Variants in MAPKBP1 observed in about 807,000 individuals in gnomAD.
MAPKBP1 encodes mitogen-activated protein kinase-binding protein 1.
In MAPKBP1, 71 loss-of-function variants were observed where a neutral mutation model predicts 170.5. That is an observed-to-expected ratio of 0.42 (90% CI 0.34 to 0.51). MAPKBP1 has a LOEUF of 0.51. Ranked by LOEUF, MAPKBP1 falls within the 20% of genes least tolerant of loss-of-function variation. The probability of loss-of-function intolerance (pLI) is 0.06; values close to 1 mark genes in which losing one functional copy is unlikely to be tolerated. For missense variants in MAPKBP1, 1,598 were observed against 1,933.0 expected, an observed-to-expected ratio of 0.83 and a Z score of 3.25; for synonymous variants, 719 against 757.9, an observed-to-expected ratio of 0.95 and a Z score of 0.84.
chr15:41,813,342 T>C, intron 8 of MAPKBP1: 2 of 1,528,110 alleles, frequency 1.3e-6, no homozygotes, highest in Non-Finnish European at 1.8e-6. Context: ...CATAGACAGC[T>C]TCACAGTAAG....
At chr15:41,810,966 A>G in intron 4 of MAPKBP1, 21 bp downstream of exon 4, 1 of 1,613,968 alleles carries the variant, frequency 6.2e-7, no homozygotes, top group Non-Finnish European at 8.5e-7. Flanking sequence ...TGGGGTCCTC[A>G]GGATACCTCT....
intron 22 of MAPKBP1, 37 bp from the exon 23 acceptor site, chr15:41,820,795 T>G (rs766870601): frequency 3.6e-5 from 54 of 1,480,308 alleles, no homozygotes; most frequent in Admixed American, 1.7e-4. Flanking sequence ...ACTGTGTGGT[T>G]GTTGTTACTC....
At chr15:41,803,412 T>TC in intron 3 of MAPKBP1, among the ~76,000 whole-genome samples, 1 of 8,340 alleles carries the variant, frequency 1.2e-4, no homozygotes, top group Non-Finnish European at 2.1e-4. Context: ...AGACTCCATC[T>TC]CAAAAAAAAA....
intron 29 of MAPKBP1, 92 bp downstream of exon 29, chr15:41,824,153 T>C: frequency 6.8e-7 from 1 of 1,479,590 alleles, no homozygotes; most frequent in Non-Finnish European, 9.0e-7. Context: ...TTTCTGTGGG[T>C]ACAGCTTCTG....
intron 30 of MAPKBP1, chr15:41,824,981 A>T: frequency 2.0e-6 from 1 of 508,812 alleles, no homozygotes; most frequent in South Asian, 3.4e-5. Flanking sequence ...AGTTGTCATA[A>T]GGAGTTGCTT....
chr15:41,820,252 T>TC, intron 22 of MAPKBP1, among the ~76,000 whole-genome samples: 1 of 152,174 alleles, frequency 6.6e-6, no homozygotes, highest in South Asian at 2.1e-4. Context: ...TGCTGTGGTG[T>TC]CTCTGGAGCA....
chr15:41,820,221 A>T (rs551873767), intron 22 of MAPKBP1, among the ~76,000 whole-genome samples: 39 of 152,280 alleles, frequency 2.6e-4, no homozygotes, highest in Admixed American at 7.8e-4. Flanking sequence ...CGTTGTCAGC[A>T]ACAGTTTCAC....
At chr15:41,783,512 C>T (rs901975314) in intron 2 of MAPKBP1, among the ~76,000 whole-genome samples, 1 of 152,210 alleles carries the variant, frequency 6.6e-6, no homozygotes, top group African/African-American at 2.4e-5. Context: ...AGTACCTTGT[C>T]TTGCCTAATC....
Position 41,775,296 on chromosome 15 carries a change from C to T in MAPKBP1, c.21C>T (p.Thr7=). The part of the protein sequence containing the change: MAVEGS[T]ITSRIKNLLR... ...TCATAATGGCTGTGGAAGGGTCAAC[C>T]ATTACCAGCCGGATCAAGAATCTGT... The change falls in exon 2 of 31, where the codon ACC becomes ACT. Residue 7 remains threonine (T), a synonymous_variant. Transcript: ENST00000457542. 1 of 1,614,096 alleles carries T rather than the reference C, an allele frequency of 6.2e-7. No homozygotes were observed. Among genetic ancestry groups the T allele is most frequent in the Non-Finnish European group, 8.5e-7 (1 of 1,179,976 alleles).
intron 2 of MAPKBP1, among the ~76,000 whole-genome samples, chr15:41,778,469 A>G (rs2064132612): frequency 1.3e-5 from 2 of 152,180 alleles, no homozygotes; most frequent in African/African-American, 2.4e-5. Context: ...GGAGGTGGAG[A>G]TTTAAGTTAC....
chr15:41,809,642 T>A (rs1189105221), intron 3 of MAPKBP1, among the ~76,000 whole-genome samples: 1 of 152,126 alleles, frequency 6.6e-6, no homozygotes, highest in Non-Finnish European at 1.5e-5. Context: ...TAATGAAGAG[T>A]TGAGGCAGAA....
rs753180015 is a variant in MAPKBP1 at position 41,817,343 on chromosome 15, A to C, written c.1712-45A>C. ...GGAAGGTGGGAGGCAGGCTGCTCCCATGTGGTGAGAACAGTGGGAACAGCT... is the reference window on the plus strand; with the variant it reads ...GGAAGGTGGGAGGCAGGCTGCTCCCCTGTGGTGAGAACAGTGGGAACAGCT... On this transcript the variant is annotated intron_variant, in intron 14 of 30. Coordinates refer to ENST00000457542, the MANE Select transcript of MAPKBP1 (RefSeq NM_014994.3). The surrounding 1 kb of genome is among the most constrained non-coding windows in gnomAD (Gnocchi z 4.2). 10 of 1,594,960 alleles carry C rather than the reference A, an allele frequency of 6.3e-6. No individual in the cohort carries two copies. In the Admixed American group the frequency reaches 8.3e-5, roughly 13 times the overall value.
At chr15:41,816,511 T>A in intron 12 of MAPKBP1, 48 bp from the exon 13 acceptor site, 2 of 1,368,614 alleles carry the variant, frequency 1.5e-6, no homozygotes, top group Non-Finnish European at 2.1e-6. Flanking sequence ...CGTGAGTCCT[T>A]CCTGCGGCCT....
At chr15:41,794,127 G>T (rs1386676507) in intron 2 of MAPKBP1, among the ~76,000 whole-genome samples, 2 of 152,096 alleles carry the variant, frequency 1.3e-5, no homozygotes, top group African/African-American at 4.8e-5. Flanking sequence ...AGCTACTCGG[G>T]AGGCTGAGGC....
At position 41,774,600 on chromosome 15, in the gene MAPKBP1, C is replaced by A. The variant is rs960303478; in HGVS notation, c.-120C>A. On this transcript the variant is annotated 5_prime_UTR_variant, in exon 1 of 31. Coordinates refer to ENST00000457542, the MANE Select transcript of MAPKBP1 (RefSeq NM_014994.3). The stretch of plus-strand genomic sequence containing the variant: ...CGCTGTGAGCGGGGTGGCCTTAGCT[C>A]GCCGAGGCTGGTGAGGCTGGGCCCG... The A allele has an allele frequency of 1.5e-5, 6 of 398,580 alleles. No individual in the cohort carries two copies. Among genetic ancestry groups the A allele is most frequent in the Non-Finnish European group, 2.7e-5 (6 of 226,126 alleles). The allele number at this position is 398,580 out of a possible 1,614,324, so 24.7% of individuals were successfully genotyped here.
At chr15:41,798,921 A>G (rs2152073767) in intron 2 of MAPKBP1, among the ~76,000 whole-genome samples, 1 of 152,304 alleles carries the variant, frequency 6.6e-6, no homozygotes, top group South Asian at 2.1e-4. Flanking sequence ...GGAGCAGGTA[A>G]AGACCTGGAG....
chr15:41,797,369 C>G (rs2064509377), intron 2 of MAPKBP1, among the ~76,000 whole-genome samples: 1 of 152,156 alleles, frequency 6.6e-6, no homozygotes, highest in African/African-American at 2.4e-5. Context: ...ATTTTGTGGC[C>G]TCTCCCAGCT....
chr15:41,819,547 C>CGGTG (rs1555454018), intron 21 of MAPKBP1, 48 bp from the exon 22 acceptor site: 4 of 1,228,202 alleles, frequency 3.3e-6, no homozygotes, highest in African/African-American at 1.9e-5. Context: ...GGTTGGGTGG[C>CGGTG]GGGGGGGGGG....
intron 22 of MAPKBP1, among the ~76,000 whole-genome samples, chr15:41,819,867 C>G (rs1186657784): frequency 6.6e-6 from 1 of 152,028 alleles, no homozygotes; most frequent in Admixed American, 6.5e-5. Context: ...TCCTGTGGAC[C>G]AGTTGGGGTG....
Sources: allele counts gnomAD v4.1 joint callset (sites outside exome capture counted in the v4.1 genomes callset), GRCh38; gene constraint gnomAD v4.1.1; non-coding constraint Gnocchi (gnomAD v3.1); transcripts MANE v1.5; gene names NCBI Gene and HGNC (gene_info 2026-07-23, HGNC 2026-07-21).